The following TBC1D5 variants were observed in gnomAD, a reference collection of about 807,000 sequenced individuals.
The protein encoded by TBC1D5 is TBC1 domain family member 5, also known as TBC1 domain family, member 5.
In TBC1D5, 75 loss-of-function variants were observed where a neutral mutation model predicts 100.3. That is an observed-to-expected ratio of 0.75 (90% confidence interval 0.62 to 0.91). TBC1D5 has a LOEUF of 0.91. Among genes scored for constraint, TBC1D5 ranks in the 40% least tolerant of loss-of-function variants. The pLI is 0.00. For missense variants in TBC1D5, 910 were observed against 942.4 expected (o/e 0.97, Z 0.45); for synonymous variants, 323 against 325.6 (o/e 0.99, Z 0.09).
intron 2 of TBC1D5, among the ~76,000 whole-genome samples, chr3:17,544,650 GAAAA>G (rs11294217): frequency 1.2e-5 from 1 of 86,262 alleles, no homozygotes; most frequent in African/African-American, 4.3e-5. Flanking sequence ...GACTCCGTCT[GAAAA>G]AAAAAAAAAA....
chr3:17,167,817 C>G (rs752895817), exon 20 of TBC1D5: 6 of 1,601,808 alleles, frequency 3.7e-6, no homozygotes, highest in Non-Finnish European at 5.1e-6. Context: ...AATATCACAT[C>G]TTGAATATTT....
At chr3:17,343,323 G>C (rs1214094913) in intron 13 of TBC1D5, among the ~76,000 whole-genome samples, 2 of 151,656 alleles carry the variant, frequency 1.3e-5, no homozygotes, top group African/African-American at 4.8e-5. Context: ...AAGCCCACTT[G>C]ATCATGGTGG....
intron 1 of TBC1D5, among the ~76,000 whole-genome samples, chr3:17,678,621 C>A (rs1189494071): frequency 7.1e-6 from 1 of 140,468 alleles, no homozygotes; most frequent in Non-Finnish European, 1.5e-5. Flanking sequence ...CCCTTCTACA[C>A]TGGTGCTGAA....
chr3:17,469,944 TTTAG>T (rs1203838880), intron 3 of TBC1D5, among the ~76,000 whole-genome samples: 5 of 152,224 alleles, frequency 3.3e-5, no homozygotes, highest in Non-Finnish European at 7.3e-5. Flanking sequence ...ACATAAAGAA[TTTAG>T]TTAATCATCT....
intron 1 of TBC1D5, among the ~76,000 whole-genome samples, chr3:17,724,706 T>C (rs1485245242): frequency 6.6e-6 from 1 of 152,186 alleles, no homozygotes; most frequent in Non-Finnish European, 1.5e-5. Context: ...TGTCTATTCC[T>C]TTCCCATTAT....
intron 1 of TBC1D5, among the ~76,000 whole-genome samples, chr3:17,632,276 A>G (rs963113435): frequency 6.6e-6 from 1 of 152,236 alleles, no homozygotes; most frequent in African/African-American, 2.4e-5. Flanking sequence ...ACCTGAAGAT[A>G]AGACTTTAAT....
chr3:17,541,098 T>A (rs1370195046), intron 2 of TBC1D5, among the ~76,000 whole-genome samples: 2 of 151,876 alleles, frequency 1.3e-5, no homozygotes, highest in Admixed American at 1.3e-4. Flanking sequence ...ATGTGAGTCT[T>A]CAAGCTTTGT....
At chr3:17,346,692 C>A (rs1334002919) in intron 13 of TBC1D5, among the ~76,000 whole-genome samples, 2 of 152,076 alleles carry the variant, frequency 1.3e-5, no homozygotes, top group African/African-American at 4.8e-5. Context: ...TTTTTCCTAG[C>A]TTTTTAAAGC....
chr3:17,493,907 T>C (rs2095669688), intron 3 of TBC1D5, among the ~76,000 whole-genome samples: 1 of 152,164 alleles, frequency 6.6e-6, no homozygotes, highest in African/African-American at 2.4e-5. Flanking sequence ...CTGTTACCCA[T>C]CTTCTGAAGC....
chr3:17,477,984 T>C (rs2095458215), intron 3 of TBC1D5, among the ~76,000 whole-genome samples: 1 of 152,158 alleles, frequency 6.6e-6, no homozygotes, highest in Non-Finnish European at 1.5e-5. Context: ...AAAGATATTT[T>C]AGAGGTTAAA....
intron 9 of TBC1D5, among the ~76,000 whole-genome samples, chr3:17,381,910 G>A (rs760274026): frequency 1.3e-5 from 2 of 151,976 alleles, no homozygotes; most frequent in East Asian, 1.9e-4. Flanking sequence ...CATATAGCAC[G>A]TCAATATCCT....
chr3:17,380,464 A>G (rs1299624928), intron 9 of TBC1D5, among the ~76,000 whole-genome samples: 7 of 152,098 alleles, frequency 4.6e-5, no homozygotes, highest in African/African-American at 1.7e-4. Context: ...AGAAAAGAGA[A>G]ATACCAGAAA....
At chr3:17,222,485 T>A (rs1057263704) in intron 17 of TBC1D5, among the ~76,000 whole-genome samples, 2 of 152,144 alleles carry the variant, frequency 1.3e-5, no homozygotes, top group Admixed American at 1.3e-4. Flanking sequence ...ATGTCCATTT[T>A]TTTTCTTCCC....
At chr3:17,690,954 GA>G (rs566602856) in intron 1 of TBC1D5, among the ~76,000 whole-genome samples, 12 of 151,576 alleles carry the variant, frequency 7.9e-5, no homozygotes, top group Admixed American at 2.6e-4. Context: ...TAAAACAGAG[GA>G]AAAAAAATCT....
intron 3 of TBC1D5, among the ~76,000 whole-genome samples, chr3:17,446,799 G>A (rs937368833): frequency 7.9e-5 from 12 of 152,208 alleles, no homozygotes; most frequent in African/African-American, 2.6e-4. Flanking sequence ...GTGAAACCCC[G>A]TCTCTAGTGA....
intron 21 of TBC1D5, among the ~76,000 whole-genome samples, chr3:17,165,889 C>T (rs528076139): frequency 1.3e-5 from 2 of 152,270 alleles, no homozygotes; most frequent in African/African-American, 2.4e-5. Context: ...CTTCTGAAAA[C>T]ATAATGCCTG....
At chr3:17,737,504 A>G (rs552696070) in intron 1 of TBC1D5, among the ~76,000 whole-genome samples, 2 of 152,190 alleles carry the variant, frequency 1.3e-5, no homozygotes, top group Non-Finnish European at 2.9e-5. Context: ...TTTTTATAAA[A>G]TTTCAACAAT....
intron 1 of TBC1D5, among the ~76,000 whole-genome samples, chr3:17,671,432 A>T (rs2067925795): frequency 6.6e-6 from 1 of 152,224 alleles, no homozygotes; most frequent in South Asian, 2.1e-4. Flanking sequence ...TCATCATCTC[A>T]CAATAGTGAA....
At chr3:17,596,333 T>TTTTC (rs1184296523) in intron 2 of TBC1D5, among the ~76,000 whole-genome samples, 1 of 149,880 alleles carries the variant, frequency 6.7e-6, no homozygotes, top group Non-Finnish European at 1.5e-5. Flanking sequence ...TTTTTTTTTT[T>TTTTC]TTCCGGAGAC....
Sources: gnomAD v4.1 joint callset for allele counts (sites outside exome capture counted in the v4.1 genomes callset) on GRCh38, gnomAD v4.1.1 for gene constraint, MANE v1.5 for transcripts, NCBI Gene and HGNC (gene_info 2026-07-23, HGNC 2026-07-21) for gene names.